The following ZFHX3 variants were observed in gnomAD, a reference collection of about 807,000 sequenced individuals.
ZFHX3 encodes zinc finger homeobox 3, also known as zinc finger homeobox protein 3.
A neutral mutation model predicts 279.1 loss-of-function variants in ZFHX3; 42 were observed. The ratio of observed to expected loss-of-function variants is 0.15; its 90% confidence interval spans 0.12 to 0.19. ZFHX3 has a LOEUF of 0.19. ZFHX3 is among the 10% of genes least tolerant of loss of function. The pLI, the probability that ZFHX3 is intolerant of heterozygous loss-of-function variation, is 1.00. For missense variants in ZFHX3, 4,981 were observed against 4,754.0 expected (o/e 1.05, Z -1.40); for synonymous variants, 2,293 against 1,957.8 (o/e 1.17, Z -4.52).
At chr16:73,505,938 T>G (rs564971409) in intron 2 of ZFHX3, among the ~76,000 whole-genome samples, 1 of 152,328 alleles carries the variant, frequency 6.6e-6, no homozygotes, top group East Asian at 1.9e-4. Context: ...GTCCATTCAG[T>G]ATTTCTTGAG....
intron 1 of ZFHX3, among the ~76,000 whole-genome samples, chr16:73,007,306 TTTGTCAA>T (rs1963744347): frequency 6.6e-6 from 1 of 152,228 alleles, no homozygotes; most frequent in Non-Finnish European, 1.5e-5. Context: ...TTATGCTAGC[TTTGTCAA>T]ATCAACTGGG....
chr16:73,003,172 T>C (rs1963559384), intron 1 of ZFHX3, among the ~76,000 whole-genome samples: 1 of 152,188 alleles, frequency 6.6e-6, no homozygotes. Context: ...GTTTCCATTT[T>C]TCACTATTAT....
rs139303977 is a variant in ZFHX3, at chr16:72,930,720, G to T, written c.3216+19749C>A. On this transcript the variant is annotated intron_variant, in intron 3 of 9. Transcript: ENST00000268489. ...TAGAAATACTCATAAAACCTACTACGGAAGAAAACAAAAATAATGCCTGTA... is the reference window on the plus strand; with the variant it reads ...TAGAAATACTCATAAAACCTACTACTGAAGAAAACAAAAATAATGCCTGTA... Among the ~76,000 whole-genome samples, 160 of 152,164 alleles carry T rather than the reference G, an allele frequency of 1.1e-3. 1 individual carries two copies. The Middle Eastern group carries it at 0.027, about 26-fold the overall frequency.
intron 4 of ZFHX3, among the ~76,000 whole-genome samples, chr16:73,290,767 C>T (rs1186917115): frequency 6.6e-6 from 1 of 152,186 alleles, no homozygotes; most frequent in East Asian, 1.9e-4. Context: ...CTTCGCAGAG[C>T]CAGCAGCCTC....
At chr16:73,500,972 C>T (rs1358400830) in intron 2 of ZFHX3, among the ~76,000 whole-genome samples, 2 of 152,268 alleles carry the variant, frequency 1.3e-5, no homozygotes, top group Non-Finnish European at 2.9e-5. Flanking sequence ...CACACTCACT[C>T]ACTGGCACAC....
chr16:73,763,364 A>C (rs919288377), intron 1 of ZFHX3, among the ~76,000 whole-genome samples: 1 of 152,218 alleles, frequency 6.6e-6, no homozygotes, highest in Non-Finnish European at 1.5e-5. Flanking sequence ...TTGTAAATCA[A>C]TTCTAATTAA....
At chr16:73,774,185 T>G (rs2142295555) in intron 1 of ZFHX3, among the ~76,000 whole-genome samples, 1 of 152,306 alleles carries the variant, frequency 6.6e-6, no homozygotes, top group South Asian at 2.1e-4. Context: ...TTTAATTATT[T>G]ACTCATGACT....
intron 5 of ZFHX3, among the ~76,000 whole-genome samples, chr16:73,222,497 G>C (rs2012455619): frequency 6.6e-6 from 1 of 151,796 alleles, no homozygotes. Flanking sequence ...GAAATACCTA[G>C]GTATAAAATT....
chr16:72,939,153 G>A (rs777516064), intron 3 of ZFHX3, among the ~76,000 whole-genome samples: 17 of 152,184 alleles, frequency 1.1e-4, no homozygotes, highest in Admixed American at 2.0e-4. Context: ...CAAAGGCACA[G>A]GAGCTATGGG....
At chr16:73,385,899 C>T (rs1172770253) in intron 3 of ZFHX3, among the ~76,000 whole-genome samples, 2 of 152,238 alleles carry the variant, frequency 1.3e-5, no homozygotes, top group African/African-American at 2.4e-5. Context: ...AAGGATGTTC[C>T]TGTGCCTTGT....
At chr16:73,276,843 T>A (rs7197003) in intron 4 of ZFHX3, among the ~76,000 whole-genome samples, 1 of 152,204 alleles carries the variant, frequency 6.6e-6, no homozygotes, top group Non-Finnish European at 1.5e-5. Flanking sequence ...TGTTTGCGGA[T>A]GAGGCAAACA....
At chr16:73,375,083 C>T (rs1420135286) in intron 3 of ZFHX3, among the ~76,000 whole-genome samples, 3 of 152,190 alleles carry the variant, frequency 2.0e-5, no homozygotes, top group Non-Finnish European at 4.4e-5. Context: ...TTCTCCTTCT[C>T]TTCTTCCTCC....
In ZFHX3 at chr16:73,404,513, G is replaced by C. The variant is rs374531935; in HGVS notation, c.-1291+51490C>G. 4.9e-4 allele frequency among the ~76,000 whole-genome samples: 74 copies of C among 152,276 alleles called. 2 individuals are homozygous for C. In the South Asian group the frequency reaches 0.015, roughly 31 times the overall value. On this transcript the variant is annotated intron_variant, in intron 3 of 17. Transcript: ENST00000641206. ...AAGTCTAAGCAGCCGCAAAGAGACC[G>C]TTAAATCACATCACCTGCAGGTTTG...
chr16:73,592,596 G>C (rs1208659848), intron 2 of ZFHX3, among the ~76,000 whole-genome samples: 1 of 152,082 alleles, frequency 6.6e-6, no homozygotes, highest in East Asian at 1.9e-4. Flanking sequence ...AAATAATCCT[G>C]AGGCAGGGGA....
intron 1 of ZFHX3, among the ~76,000 whole-genome samples, chr16:73,860,210 C>G (rs76744742): frequency 6.6e-6 from 1 of 152,148 alleles, no homozygotes; most frequent in Admixed American, 6.5e-5. Context: ...AAATTCCCAA[C>G]AGTTTGAAAA....
rs147884950 is a variant in ZFHX3 at position 73,637,704 on chromosome 16, CCTAA to C, written c.-1547+42472_-1547+42475del. 7.3e-3 allele frequency among the ~76,000 whole-genome samples: 1,105 copies of C among 151,736 alleles called. 12 individuals are homozygous for C. Among genetic ancestry groups the C allele is most frequent in the African/African-American group, 0.024 (990 of 41,360 alleles). On this transcript the variant is annotated intron_variant, in intron 2 of 17. Coordinates refer to the ZFHX3 transcript ENST00000641206. ...ATGAAGCAAGAGATTTATAGATTAG[CCTAA>C]CTAACTCAGATATAAAACTTACACA...
intron 1 of ZFHX3, among the ~76,000 whole-genome samples, chr16:73,729,737 C>T (rs1212612998): frequency 6.6e-6 from 1 of 152,240 alleles, no homozygotes; most frequent in South Asian, 2.1e-4. Flanking sequence ...TGTTTAATGT[C>T]TTCTCACACC....
At chr16:73,098,555 T>G (rs970290525) in intron 7 of ZFHX3, among the ~76,000 whole-genome samples, 5 of 152,074 alleles carry the variant, frequency 3.3e-5, no homozygotes, top group African/African-American at 1.2e-4. Flanking sequence ...AGAGATGGGG[T>G]TTTGCCATGT....
At chr16:73,436,370 C>T (rs1255724025) in intron 3 of ZFHX3, among the ~76,000 whole-genome samples, 1 of 152,062 alleles carries the variant, frequency 6.6e-6, no homozygotes, top group Non-Finnish European at 1.5e-5. Flanking sequence ...GCTGGGGAGG[C>T]CTCACAATCA....
Sources: gnomAD v4.1 joint callset for allele counts (sites outside exome capture counted in the v4.1 genomes callset) on GRCh38, gnomAD v4.1.1 for gene constraint, MANE v1.5 for transcripts, NCBI Gene and HGNC (gene_info 2026-07-23, HGNC 2026-07-21) for gene names.